Variants in SEMA5B observed in about 807,000 individuals in gnomAD.
The protein encoded by SEMA5B is semaphorin-5B.
SEMA5B carries 66 observed loss-of-function variants against 135.0 expected under a neutral mutation model. That is an observed-to-expected ratio of 0.49 (90% CI 0.40 to 0.60). The LOEUF (loss-of-function observed/expected upper bound fraction) is 0.60, where lower values mean the gene tolerates loss of function less well. Among genes scored for constraint, SEMA5B ranks in the 20% least tolerant of loss-of-function variants. The pLI, the probability that SEMA5B is intolerant of heterozygous loss-of-function variation, is 0.00. For synonymous variants in SEMA5B, 690 were observed against 639.5 expected, an observed-to-expected ratio of 1.08 and a Z score of -1.19; for missense variants, 1,501 against 1,566.3, an observed-to-expected ratio of 0.96 and a Z score of 0.70.
chr3:123,002,633 C>A (rs898528155), intron 1 of SEMA5B, among the ~76,000 whole-genome samples: 1 of 152,146 alleles, frequency 6.6e-6, no homozygotes, highest in Non-Finnish European at 1.5e-5. Context: ...AGGGGCAGTC[C>A]CCAGCCAAAG....
chr3:122,918,183 A>G (rs1335728464), intron 12 of SEMA5B, among the ~76,000 whole-genome samples: 1 of 152,264 alleles, frequency 6.6e-6, no homozygotes, highest in Non-Finnish European at 1.5e-5. Flanking sequence ...AATGTCTGCC[A>G]GCAGAGAAAA....
chr3:122,918,795 C>T (rs975716311), intron 12 of SEMA5B, among the ~76,000 whole-genome samples: 5 of 152,200 alleles, frequency 3.3e-5, no homozygotes, highest in African/African-American at 9.6e-5. Flanking sequence ...GGATAACTGC[C>T]TCCTTGGCTC....
At chr3:123,003,186 C>T (rs564437026) in intron 1 of SEMA5B, among the ~76,000 whole-genome samples, 1 of 152,308 alleles carries the variant, frequency 6.6e-6, no homozygotes, top group East Asian at 1.9e-4. Context: ...CACTACCCAC[C>T]TGGAAATCTC....
intron 1 of SEMA5B, among the ~76,000 whole-genome samples, chr3:122,984,159 G>GC (rs1024251182): frequency 5.9e-5 from 9 of 151,950 alleles, no homozygotes; most frequent in East Asian, 3.9e-4. Flanking sequence ...ACTGTCTCCC[G>GC]CCCCCCGCCG....
At chr3:123,020,634 AAAG>A (rs1325794245) in intron 1 of SEMA5B, among the ~76,000 whole-genome samples, 1 of 152,226 alleles carries the variant, frequency 6.6e-6, no homozygotes, top group Non-Finnish European at 1.5e-5. Flanking sequence ...AGAGCCTAGA[AAAG>A]AAGATTTAGG....
intron 1 of SEMA5B, among the ~76,000 whole-genome samples, chr3:123,017,466 G>T (rs1398991341): frequency 6.6e-6 from 1 of 152,174 alleles, no homozygotes; most frequent in Non-Finnish European, 1.5e-5. Flanking sequence ...TCATTCCAAG[G>T]TTCTCTAGTG....
chr3:122,968,393 G>T (rs1020695163), intron 1 of SEMA5B, among the ~76,000 whole-genome samples: 1 of 152,152 alleles, frequency 6.6e-6, no homozygotes, highest in African/African-American at 2.4e-5. Context: ...CTTTTTTCAG[G>T]GTTTGCCTCC....
At chr3:122,928,888 A>G (rs1373770232) in intron 6 of SEMA5B, 108 bp downstream of exon 6, 2 of 1,118,922 alleles carry the variant, frequency 1.8e-6, no homozygotes, top group African/African-American at 3.1e-5. Context: ...CATCCTGGCC[A>G]GGCCTCTCTA....
chr3:122,981,296 T>A (rs57820651), intron 1 of SEMA5B, among the ~76,000 whole-genome samples: 1 of 151,890 alleles, frequency 6.6e-6, no homozygotes, highest in Non-Finnish European at 1.5e-5. Flanking sequence ...GTTGGGCCCC[T>A]GTGCCACAGG....
At chr3:122,967,908 C>G (rs1940940236) in intron 1 of SEMA5B, among the ~76,000 whole-genome samples, 1 of 152,330 alleles carries the variant, frequency 6.6e-6, no homozygotes, top group South Asian at 2.1e-4. Context: ...TCTTTTGGCC[C>G]AGGGCTCTGC....
intron 12 of SEMA5B, among the ~76,000 whole-genome samples, chr3:122,921,343 G>A (rs1206382487): frequency 9.2e-5 from 14 of 152,172 alleles, no homozygotes; most frequent in Non-Finnish European, 1.5e-5. Flanking sequence ...CTGTGAGTCC[G>A]CTTGAAGCTA....
At chr3:122,980,632 A>C (rs1036820650) in intron 1 of SEMA5B, among the ~76,000 whole-genome samples, 2 of 152,168 alleles carry the variant, frequency 1.3e-5, no homozygotes, top group Non-Finnish European at 2.9e-5. Flanking sequence ...CAATGGCCCA[A>C]ATTATTATTA....
chr3:122,971,246 T>G (rs1316988900), intron 1 of SEMA5B, among the ~76,000 whole-genome samples: 1 of 152,248 alleles, frequency 6.6e-6, no homozygotes, highest in East Asian at 1.9e-4. Flanking sequence ...CATGTCTGTT[T>G]TGCTCAGTGC....
intron 3 of SEMA5B, among the ~76,000 whole-genome samples, chr3:122,947,846 C>G (rs1316166956): frequency 6.6e-6 from 1 of 152,170 alleles, no homozygotes; most frequent in Non-Finnish European, 1.5e-5. Context: ...ACCATGACCC[C>G]CCCCAAACTG....
In SEMA5B at chr3:122,997,523, C is replaced by G. The variant is rs954385572; in HGVS notation, c.-39+29941G>C. Among the ~76,000 whole-genome samples, 239 of 151,968 alleles carry G rather than the reference C, an allele frequency of 1.6e-3. 4 individuals carry two copies. Among genetic ancestry groups the G allele is most frequent in the African/African-American group, 4.6e-3 (192 of 41,422 alleles). ...CTGGCTGGTCCCCAGGCCTCTCCCC[C>G]CCCCGTCTCCACCAGGGCATGTTGG... On this transcript the variant is annotated intron_variant, in intron 1 of 22. Coordinates refer to ENST00000357599, the MANE Select transcript of SEMA5B (RefSeq NM_001031702.4).
At chr3:122,926,094 C>T (rs907185161) in intron 9 of SEMA5B, among the ~76,000 whole-genome samples, 21 of 152,206 alleles carry the variant, frequency 1.4e-4, no homozygotes, top group African/African-American at 5.1e-4. Context: ...CTCCCCTCCC[C>T]TACATGGCTA....
chr3:123,020,683 T>A (rs1560453375), intron 1 of SEMA5B, among the ~76,000 whole-genome samples: 1 of 152,186 alleles, frequency 6.6e-6, no homozygotes, highest in Non-Finnish European at 1.5e-5. Context: ...TATTCGAAGC[T>A]CAAAAAAATA....
intron 1 of SEMA5B, among the ~76,000 whole-genome samples, chr3:122,969,581 C>T (rs2107639430): frequency 6.6e-6 from 1 of 152,306 alleles, no homozygotes; most frequent in Non-Finnish European, 1.5e-5. Flanking sequence ...TGAGAGCTCC[C>T]AGCTCCACTC....
At chr3:122,969,822 G>A (rs565624076) in intron 1 of SEMA5B, among the ~76,000 whole-genome samples, 5 of 152,354 alleles carry the variant, frequency 3.3e-5, no homozygotes, top group Non-Finnish European at 5.9e-5. Flanking sequence ...AGTGGGGAAT[G>A]TAAGAATCAT....
Sources: gnomAD v4.1 joint callset for allele counts (sites outside exome capture counted in the v4.1 genomes callset) on GRCh38, gnomAD v4.1.1 for gene constraint, MANE v1.5 for transcripts, NCBI Gene and HGNC (gene_info 2026-07-23, HGNC 2026-07-21) for gene names.